The following ARHGAP22 variants were observed in gnomAD, a reference collection of about 807,000 sequenced individuals.
The protein encoded by ARHGAP22 is rho GTPase-activating protein 22.
ARHGAP22 carries 48 observed loss-of-function variants against 59.1 expected under a neutral mutation model. The observed-to-expected ratio is 0.81, with a 90% CI of 0.64 to 1.03. ARHGAP22 has a LOEUF of 1.03. Among genes scored for constraint, ARHGAP22 ranks in the 50% least tolerant of loss-of-function variants. The probability of loss-of-function intolerance (pLI) is 0.00; values close to 1 mark genes in which losing one functional copy is unlikely to be tolerated. For synonymous variants in ARHGAP22, 445 were observed against 416.4 expected (o/e 1.07, Z -0.84); for missense variants, 1,015 against 958.7 (o/e 1.06, Z -0.78).
chr10:48,526,412 A>G (rs113686583), intron 3 of ARHGAP22, among the ~76,000 whole-genome samples: 36 of 152,364 alleles, frequency 2.4e-4, no homozygotes, highest in Non-Finnish European at 4.4e-4. Flanking sequence ...ATCCGGAAAG[A>G]AAGATGTTTT....
intron 2 of ARHGAP22, chr10:48,575,431 T>C (rs1258451210): frequency 6.6e-6 from 1 of 152,234 alleles, no homozygotes; most frequent in African/African-American, 2.4e-5. Context: ...CCTGTGACTT[T>C]CAAGTTATGG....
exon 1 of ARHGAP22, chr10:48,652,322 C>T (rs74371704): frequency 6.5e-7 from 1 of 1,529,186 alleles, no homozygotes; most frequent in African/African-American, 1.4e-5. Flanking sequence ...TCTTCTGTAT[C>T]CTTTTTATAA....
chr10:48,611,337 C>T (rs1379807013), intron 1 of ARHGAP22, among the ~76,000 whole-genome samples: 1 of 152,138 alleles, frequency 6.6e-6, no homozygotes, highest in Non-Finnish European at 1.5e-5. Context: ...GAAACATGTC[C>T]TTGCTATATG....
At chr10:48,605,783 C>T (rs1298080878), upstream of ARHGAP22, among the ~76,000 whole-genome samples, 1 of 152,304 alleles carries the variant, frequency 6.6e-6, no homozygotes, top group East Asian at 1.9e-4. Flanking sequence ...ATTTAACTCT[C>T]AAACTCCTGA....
intron 1 of ARHGAP22, among the ~76,000 whole-genome samples, chr10:48,636,228 T>C (rs958671068): frequency 6.6e-6 from 1 of 152,168 alleles, no homozygotes; most frequent in African/African-American, 2.4e-5. Flanking sequence ...ATTTCTCTGG[T>C]GGCTGTCGAT....
intron 3 of ARHGAP22, chr10:48,532,614 C>G (rs1415218363): frequency 6.6e-6 from 1 of 151,958 alleles, no homozygotes; most frequent in South Asian, 2.1e-4. Flanking sequence ...TTAGGTATAT[C>G]TCCTAATGCT....
At chr10:48,650,124 C>G (rs555565970) in intron 1 of ARHGAP22, among the ~76,000 whole-genome samples, 1 of 149,636 alleles carries the variant, frequency 6.7e-6, no homozygotes, top group Non-Finnish European at 1.5e-5. Context: ...AGGGGAAGCC[C>G]CCTCCCCCTG....
At chr10:48,635,197 TG>T (rs1347399586) in intron 1 of ARHGAP22, among the ~76,000 whole-genome samples, 1 of 152,102 alleles carries the variant, frequency 6.6e-6, no homozygotes, top group East Asian at 1.9e-4. Context: ...ACCTTGTTTC[TG>T]GGCCTCTGTC....
In ARHGAP22 at chr10:48,453,399, G is replaced by C; in HGVS notation, c.893C>G (p.Ser298Ter). Residue 298 changes from serine to a stop codon, truncating the protein, a stop_gained, in exon 8 of 10, where the codon TCA becomes TGA. Transcript: ENST00000249601. LOFTEE classifies it high-confidence loss of function. Reference sequence around the variant, plus strand: ...CTGGACACTCATCTTGTTGACATTTGAGTATGCCTGAACTTCATCCAGAAA... The same window carrying C: ...CTGGACACTCATCTTGTTGACATTTCAGTATGCCTGAACTTCATCCAGAAA... ...CKFLDEVQAY[S>*]NVNKMSVQNL... is the part of the protein sequence containing the mutation. The C allele has an allele frequency of 1.2e-6, 2 of 1,613,988 alleles. No homozygotes were observed. The highest frequency in any genetic ancestry group is 2.2e-5 in the South Asian group (2 of 91,062).
At chr10:48,646,842 A>G (rs950621596) in intron 1 of ARHGAP22, among the ~76,000 whole-genome samples, 1 of 152,240 alleles carries the variant, frequency 6.6e-6, no homozygotes, top group African/African-American at 2.4e-5. Flanking sequence ...CTTAGATACC[A>G]TATCAAAAGC....
chr10:48,431,309 C>T, the ARHGAP22 span: 17 of 1,394,940 alleles, frequency 1.2e-5, no homozygotes, highest in African/African-American at 2.1e-4. Flanking sequence ...TTACAGTTTA[C>T]TTCTTGTGTT....
At chr10:48,625,645 G>T (rs982047069) in intron 1 of ARHGAP22, among the ~76,000 whole-genome samples, 2 of 151,800 alleles carry the variant, frequency 1.3e-5, no homozygotes, top group African/African-American at 4.8e-5. Context: ...AGACCAGACC[G>T]TGCTCACATT....
downstream of ARHGAP22, chr10:48,444,533 C>T (rs2133468319): frequency 6.6e-6 from 1 of 152,338 alleles, no homozygotes; most frequent in African/African-American, 2.4e-5. Flanking sequence ...AGCTCCTATC[C>T]CTACTGGGGA....
chr10:48,501,504 T>C (rs934454292), intron 3 of ARHGAP22, among the ~76,000 whole-genome samples: 26 of 152,136 alleles, frequency 1.7e-4, no homozygotes, highest in African/African-American at 6.3e-4. Context: ...CTGATGGGGA[T>C]GGTGAGGAAA....
At chr10:48,603,490 T>A (rs1275454107) in intron 1 of ARHGAP22, among the ~76,000 whole-genome samples, 2 of 152,232 alleles carry the variant, frequency 1.3e-5, no homozygotes, top group Non-Finnish European at 1.5e-5. Context: ...TTGTACTAAA[T>A]CATCAAAATT....
the ARHGAP22 span, among the ~76,000 whole-genome samples, chr10:48,440,546 C>T: frequency 1.3e-5 from 2 of 152,036 alleles, no homozygotes; most frequent in African/African-American, 2.4e-5. Context: ...AAGAGTATTC[C>T]AGGCTGAAGG....
chr10:48,562,809 C>T (rs2057773854), intron 2 of ARHGAP22, among the ~76,000 whole-genome samples: 1 of 152,138 alleles, frequency 6.6e-6, no homozygotes, highest in Non-Finnish European at 1.5e-5. Flanking sequence ...CTCAATAAAG[C>T]TGTTAAGAAA....
intron 3 of ARHGAP22, chr10:48,524,023 G>A (rs1178899247): frequency 5.5e-6 from 8 of 1,465,718 alleles, no homozygotes; most frequent in Non-Finnish European, 6.3e-6. Flanking sequence ...CGGCCGCAGG[G>A]AGCGGGGCGC....
chr10:48,455,658 T>C (rs1355235231), intron 5 of ARHGAP22, among the ~76,000 whole-genome samples: 1 of 152,204 alleles, frequency 6.6e-6, no homozygotes, highest in East Asian at 1.9e-4. Context: ...ATGTGGGAGC[T>C]GCCTGCTCTG....
Sources: allele counts gnomAD v4.1 joint callset (sites outside exome capture counted in the v4.1 genomes callset), GRCh38; gene constraint gnomAD v4.1.1; transcripts MANE v1.5; gene names NCBI Gene and HGNC (gene_info 2026-07-23, HGNC 2026-07-21).